Variants in DLGAP2 observed in about 807,000 individuals in gnomAD.
DLGAP2 encodes disks large-associated protein 2.
Under a neutral mutation model 100.3 loss-of-function variants are expected in DLGAP2, and 26 were observed. The observed-to-expected ratio is 0.26, with a 90% CI of 0.19 to 0.36. DLGAP2 has a LOEUF of 0.36. Among genes scored for constraint, DLGAP2 ranks in the 10% least tolerant of loss-of-function variants. The probability of loss-of-function intolerance (pLI) is 1.00; values close to 1 mark genes in which losing one functional copy is unlikely to be tolerated. For missense variants in DLGAP2, 1,858 were observed against 1,453.2 expected, an observed-to-expected ratio of 1.28 and a Z score of -4.53; for synonymous variants, 886 against 630.1, an observed-to-expected ratio of 1.41 and a Z score of -6.08.
intron 1 of DLGAP2, among the ~76,000 whole-genome samples, chr8:794,988 A>G (rs1795994267): frequency 6.6e-6 from 1 of 152,124 alleles, no homozygotes; most frequent in Non-Finnish European, 1.5e-5. Flanking sequence ...CCTGATAGGG[A>G]CTTCCCTGTT....
intron 4 of DLGAP2, among the ~76,000 whole-genome samples, chr8:1,536,165 G>C (rs1801148094): frequency 6.6e-6 from 1 of 152,158 alleles, no homozygotes; most frequent in Non-Finnish European, 1.5e-5. Flanking sequence ...TTGATGGAGT[G>C]GAAGAGACAG....
intron 2 of DLGAP2, among the ~76,000 whole-genome samples, chr8:1,096,496 T>A (rs1311241964): frequency 6.7e-6 from 1 of 150,334 alleles, no homozygotes; most frequent in Non-Finnish European, 1.5e-5. Context: ...GTCGAGGGAC[T>A]CATCAAGCTC....
At chr8:858,695 GTCATTGTAGGGACATGTGTGATGCTC>G (rs1563066938) in intron 1 of DLGAP2, among the ~76,000 whole-genome samples, 4 of 150,460 alleles carry the variant, frequency 2.7e-5, no homozygotes, top group Non-Finnish European at 5.9e-5. Flanking sequence ...GTGTGATGCT[GTCATTGTAGGGACATGTGTGATGCTC>G]TCACCGTGGG....
intron 8 of DLGAP2, among the ~76,000 whole-genome samples, chr8:1,633,403 G>A (rs548858972): frequency 4.6e-5 from 7 of 152,220 alleles, no homozygotes; most frequent in Admixed American, 2.0e-4. Context: ...CTGCTGATGC[G>A]CAGTGACTCT....
At chr8:840,845 C>T (rs1013212981) in intron 1 of DLGAP2, among the ~76,000 whole-genome samples, 4 of 152,238 alleles carry the variant, frequency 2.6e-5, no homozygotes, top group Admixed American at 2.6e-4. Flanking sequence ...TGGGGCACAT[C>T]GTGCATTCGT....
intron 3 of DLGAP2, among the ~76,000 whole-genome samples, chr8:1,450,363 A>G (rs571144706): frequency 3.3e-4 from 24 of 72,350 alleles, no homozygotes; most frequent in African/African-American, 1.2e-3. Flanking sequence ...TCGGTGGCTG[A>G]GGCTGAGCTG....
At chr8:1,590,756 C>T (rs905047823) in intron 6 of DLGAP2, among the ~76,000 whole-genome samples, 1 of 152,192 alleles carries the variant, frequency 6.6e-6, no homozygotes, top group East Asian at 1.9e-4. Context: ...CTCTGTGCTC[C>T]TGGGTCCTGA....
At chr8:901,161 C>T (rs1347121799) in intron 1 of DLGAP2, among the ~76,000 whole-genome samples, 1 of 152,098 alleles carries the variant, frequency 6.6e-6, no homozygotes, top group Non-Finnish European at 1.5e-5. Flanking sequence ...ATGTTGTGTA[C>T]CTGCAGTCCC....
At chr8:1,588,429 G>A (rs530672050) in intron 6 of DLGAP2, among the ~76,000 whole-genome samples, 2 of 152,276 alleles carry the variant, frequency 1.3e-5, no homozygotes, top group Non-Finnish European at 2.9e-5. Flanking sequence ...CATCTTATAT[G>A]TAATTCTCCC....
rs532940676 is a variant in DLGAP2, at chr8:1,391,822, G to A, written c.107-109544G>A. On this transcript the variant is annotated intron_variant, in intron 3 of 14. Coordinates refer to ENST00000637795, the MANE Select transcript of DLGAP2 (RefSeq NM_001346810.2). ...CTTAGAAGAGGTCATTTCATTAAGC[G>A]GAAGCAGCAAATGTGTTGCTGCATC... 5.3e-5 allele frequency among the ~76,000 whole-genome samples: 8 copies of A among 152,338 alleles called. No individual in the cohort carries two copies. The East Asian group carries it at 5.8e-4, about 11-fold the overall frequency.
intron 1 of DLGAP2, among the ~76,000 whole-genome samples, chr8:761,096 C>T (rs1327417508): frequency 3.3e-5 from 5 of 152,174 alleles, no homozygotes; most frequent in Admixed American, 3.3e-4. Context: ...GCTCTCTGCA[C>T]GTCGCTTGTG....
Position 1,690,599 on chromosome 8 carries a change from G to A in DLGAP2, c.2705-936G>A, listed in dbSNP as rs546108409. 2.0e-5 allele frequency among the ~76,000 whole-genome samples: 3 copies of A among 150,564 alleles called. No individual in the cohort carries two copies. The South Asian group carries it at 6.3e-4, about 32-fold the overall frequency. On this transcript the variant is annotated intron_variant, in intron 12 of 14. Transcript: ENST00000637795. The stretch of plus-strand genomic sequence containing the variant: ...TGCACCTGTAATCCCAGCTACTTGG[G>A]AGGCTGAGGCCAGAAAATTGCTTGA...
intron 3 of DLGAP2, among the ~76,000 whole-genome samples, chr8:1,439,387 T>C (rs1483796339): frequency 2.0e-5 from 3 of 152,158 alleles, no homozygotes; most frequent in Non-Finnish European, 4.4e-5. Context: ...GGTCCTGCCG[T>C]GTACCCTGTG....
intron 1 of DLGAP2, among the ~76,000 whole-genome samples, chr8:853,219 C>T (rs564055915): frequency 3.2e-4 from 49 of 152,248 alleles, no homozygotes; most frequent in African/African-American, 8.4e-4. Context: ...AGAAAGGACG[C>T]GGAGCATGGT....
chr8:1,700,611 T>G (rs982859314), intron 14 of DLGAP2, among the ~76,000 whole-genome samples: 1 of 152,244 alleles, frequency 6.6e-6, no homozygotes, highest in Non-Finnish European at 1.5e-5. Context: ...AATACTTGCG[T>G]CTTTTTACAA....
intron 5 of DLGAP2, among the ~76,000 whole-genome samples, chr8:1,553,914 G>A (rs1301317146): frequency 2.0e-5 from 3 of 152,182 alleles, no homozygotes; most frequent in Admixed American, 6.5e-5. Flanking sequence ...TCCTTGCGGT[G>A]TAGTTTAGAA....
At chr8:1,591,852 G>A (rs1796301228) in intron 6 of DLGAP2, among the ~76,000 whole-genome samples, 1 of 152,164 alleles carries the variant, frequency 6.6e-6, no homozygotes, top group African/African-American at 2.4e-5. Context: ...CTTGGCCTCT[G>A]CGTCAATAAT....
At chr8:1,121,272 C>A (rs922418315) in intron 2 of DLGAP2, among the ~76,000 whole-genome samples, 1 of 151,452 alleles carries the variant, frequency 6.6e-6, no homozygotes, top group Non-Finnish European at 1.5e-5. Flanking sequence ...GAACCCATGA[C>A]CTCCCATCCT....
rs139268366 is a variant in DLGAP2 at position 763,526 on chromosome 8, T to C, written c.18+25701T>C. 3.6e-3 allele frequency among the ~76,000 whole-genome samples: 548 copies of C among 152,314 alleles called. 2 individuals are homozygous for C. The highest frequency in any genetic ancestry group is 6.2e-3 in the Non-Finnish European group (421 of 68,020). ...TTCGCACTTCTAAGACCATTCCTCATAGAATTTGCTCGAAAGGGTCTGTTG... is the reference window on the plus strand; with the variant it reads ...TTCGCACTTCTAAGACCATTCCTCACAGAATTTGCTCGAAAGGGTCTGTTG... On this transcript the variant is annotated intron_variant, in intron 1 of 14. Coordinates refer to ENST00000637795, the MANE Select transcript of DLGAP2 (RefSeq NM_001346810.2).
Sources: allele counts gnomAD v4.1 joint callset (sites outside exome capture counted in the v4.1 genomes callset), GRCh38; gene constraint gnomAD v4.1.1; transcripts MANE v1.5; gene names NCBI Gene and HGNC (gene_info 2026-07-23, HGNC 2026-07-21).